The following SPATA9 variants were observed in gnomAD, a reference collection of about 807,000 sequenced individuals.
SPATA9 encodes spermatogenesis-associated protein 9.
A neutral mutation model predicts 25.5 loss-of-function variants in SPATA9; 27 were observed. That is an observed-to-expected ratio of 1.06 (90% confidence interval 0.78 to 1.46). SPATA9 has a LOEUF of 1.46. SPATA9 is among the 40% of genes most tolerant of loss of function. The pLI, the probability that SPATA9 is intolerant of heterozygous loss-of-function variation, is 0.00. For missense variants in SPATA9, 282 were observed against 297.5 expected (o/e 0.95, Z 0.38); for synonymous variants, 102 against 105.7 (o/e 0.97, Z 0.21).
chr5:95,677,348 A>C (rs957540328), intron 2 of SPATA9, among the ~76,000 whole-genome samples: 7 of 152,354 alleles, frequency 4.6e-5, no homozygotes, highest in African/African-American at 1.4e-4. Context: ...ATGATTGAAG[A>C]GTATCAGAAA....
chr5:95,666,505 TAA>T (rs1472835736), intron 3 of SPATA9, among the ~76,000 whole-genome samples: 9 of 152,178 alleles, frequency 5.9e-5, no homozygotes, highest in African/African-American at 2.2e-4. Flanking sequence ...AAATTTTTAG[TAA>T]AATGTCTGTG....
At chr5:95,701,497 G>A (rs1754179120), upstream of SPATA9, 1 of 151,606 alleles carries the variant, frequency 6.6e-6, no homozygotes, top group African/African-American at 2.4e-5. Context: ...TATACTGGTA[G>A]CATACAGTAT....
chr5:95,710,029 G>A, the SPATA9 span, among the ~76,000 whole-genome samples: 1 of 152,112 alleles, frequency 6.6e-6, no homozygotes, highest in Non-Finnish European at 1.5e-5. Flanking sequence ...ACGTTAATAC[G>A]TTTATCCTTA....
rs763706037 is a variant in SPATA9 at position 95,658,792 on chromosome 5, G to T, written c.596C>A (p.Ser199Ter). 7 of 1,613,866 alleles carry T rather than the reference G, an allele frequency of 4.3e-6. No homozygotes were observed. Among genetic ancestry groups the T allele is most frequent in the Non-Finnish European group, 4.2e-6 (5 of 1,179,910 alleles). ...CRKAFSEPVLSEPMFAEGEIK... is the reference protein window; with the variant it reads ...CRKAFSEPVL ...TTCACCTTCAGCAAACATAGGCTCC[G>T]AAAGCACAGGCTCAGAAAAGGCTTT... The change falls in exon 5 of 5, where the codon TCG becomes TAG. Residue 199 changes from serine to a stop codon, truncating the protein, a stop_gained. Transcript: ENST00000274432. LOFTEE classifies it high-confidence loss of function.
the SPATA9 span, among the ~76,000 whole-genome samples, chr5:95,706,359 T>C: frequency 1.3e-5 from 2 of 151,732 alleles, no homozygotes; most frequent in East Asian, 1.9e-4. Context: ...TCAGGAGATC[T>C]GGTTGGTTAA....
exon 1 of SPATA9, chr5:95,698,698 G>A (rs1357475018): frequency 6.6e-6 from 1 of 152,184 alleles, no homozygotes; most frequent in Non-Finnish European, 1.5e-5. Context: ...CTCTTCCACT[G>A]TAGACTTCCA....
upstream of SPATA9, among the ~76,000 whole-genome samples, chr5:95,683,848 T>A (rs1246010429): frequency 6.6e-6 from 1 of 152,184 alleles, no homozygotes; most frequent in Non-Finnish European, 1.5e-5. Flanking sequence ...ACAGCCTAGT[T>A]ATATTTTAGT....
intron 1 of SPATA9, among the ~76,000 whole-genome samples, chr5:95,690,213 A>G (rs1753847250): frequency 6.6e-6 from 1 of 152,220 alleles, no homozygotes; most frequent in South Asian, 2.1e-4. Context: ...GAACAATGTA[A>G]AATGCTGTAA....
At chr5:95,729,647 A>C in the SPATA9 span, among the ~76,000 whole-genome samples, 6 of 152,266 alleles carry the variant, frequency 3.9e-5, no homozygotes, top group South Asian at 2.1e-4. Context: ...TGCAAACCTG[A>C]AACACTATAC....
At chr5:95,703,152 T>C (rs144929029), upstream of SPATA9, among the ~76,000 whole-genome samples, 211 of 152,312 alleles carry the variant, frequency 1.4e-3, 3 homozygotes, top group Middle Eastern at 0.01. Context: ...CCTCACTTCA[T>C]ATGGAATTTA....
At chr5:95,725,533 T>A in the SPATA9 span, among the ~76,000 whole-genome samples, 1 of 152,400 alleles carries the variant, frequency 6.6e-6, no homozygotes, top group South Asian at 2.1e-4. Flanking sequence ...GTTCTCATTT[T>A]TGACCTGAGA....
intron 1 of SPATA9, among the ~76,000 whole-genome samples, chr5:95,690,795 A>G (rs1353883876): frequency 6.6e-6 from 1 of 152,242 alleles, no homozygotes; most frequent in Non-Finnish European, 1.5e-5. Flanking sequence ...GAGCTTCTCA[A>G]ACTATAGTGA....
At chr5:95,661,179 C>A (rs1023768324) in intron 4 of SPATA9, among the ~76,000 whole-genome samples, 1 of 152,056 alleles carries the variant, frequency 6.6e-6, no homozygotes, top group Admixed American at 6.6e-5. Flanking sequence ...CTCACAACAT[C>A]CTGAGTCTAT....
chr5:95,701,182 C>G (rs904335958), upstream of SPATA9: 1 of 152,214 alleles, frequency 6.6e-6, no homozygotes, highest in East Asian at 1.9e-4. Flanking sequence ...CACTTAACCT[C>G]TTGATATAAA....
At chr5:95,729,286 C>T in the SPATA9 span, among the ~76,000 whole-genome samples, 2 of 152,204 alleles carry the variant, frequency 1.3e-5, no homozygotes, top group African/African-American at 4.8e-5. Flanking sequence ...TAACAAATTG[C>T]TTTAGCTTCT....
chr5:95,708,418 C>G, the SPATA9 span, among the ~76,000 whole-genome samples: 1 of 152,022 alleles, frequency 6.6e-6, no homozygotes, highest in East Asian at 1.9e-4. Flanking sequence ...GGGTCATGGA[C>G]AGTTATAGTA....
the SPATA9 span, among the ~76,000 whole-genome samples, chr5:95,712,216 G>C: frequency 6.6e-6 from 1 of 152,316 alleles, no homozygotes; most frequent in East Asian, 1.9e-4. Flanking sequence ...ATGATGGCAA[G>C]CTGTTTCATC....
chr5:95,665,129 G>T (rs1258590732), intron 3 of SPATA9, among the ~76,000 whole-genome samples: 1 of 152,096 alleles, frequency 6.6e-6, no homozygotes, highest in Non-Finnish European at 1.5e-5. Context: ...TGTTCCCATA[G>T]AAGTCTATGT....
the SPATA9 span, chr5:95,708,905 A>G: frequency 2.7e-6 from 1 of 364,964 alleles, no homozygotes; most frequent in African/African-American, 2.1e-5. Context: ...AACAAACAAG[A>G]GAAGTAAATA....
Sources: allele counts gnomAD v4.1 joint callset (sites outside exome capture counted in the v4.1 genomes callset), GRCh38; gene constraint gnomAD v4.1.1; transcripts MANE v1.5; gene names NCBI Gene and HGNC (gene_info 2026-07-23, HGNC 2026-07-21).